The following ANP32A variants were observed in gnomAD, a reference collection of about 807,000 sequenced individuals.
ANP32A encodes the protein acidic nuclear phosphoprotein 32 family member A.
Under a neutral mutation model 33.9 loss-of-function variants are expected in ANP32A, and 1 was observed. The ratio of observed to expected loss-of-function variants is 0.03; its 90% CI spans 0.01 to 0.14. The LOEUF is 0.14. Among genes scored for constraint, ANP32A ranks in the 10% least tolerant of loss-of-function variants. ANP32A has a pLI of 1.00. For missense variants in ANP32A, 155 were observed against 306.0 expected (o/e 0.51, Z 3.68); for synonymous variants, 115 against 120.5 (o/e 0.95, Z 0.30).
Position 68,780,319 on chromosome 15 carries a change from C to T in ANP32A, c.688+91G>A. ...TGAGGCCTCTGACAGGAGTGTCCTG[C>T]CCACTGCCAGGGGCCTCTGAGTCTA... is the stretch of plus-strand genomic sequence containing the variant. On this transcript the variant is annotated intron_variant, in intron 6 of 6. Coordinates refer to ENST00000465139, the MANE Select transcript of ANP32A (RefSeq NM_006305.4). This position sits in a 1 kb window ranked among gnomAD's most constrained non-coding sequence, Gnocchi z 4.3. 1.3e-6 allele frequency: 2 copies of T among 1,599,826 alleles called. No homozygotes were observed. Among genetic ancestry groups the T allele is most frequent in the Non-Finnish European group, 1.7e-6 (2 of 1,173,132 alleles).
At chr15:68,808,903 C>T (rs1342353953) in intron 1 of ANP32A, among the ~76,000 whole-genome samples, 1 of 152,156 alleles carries the variant, frequency 6.6e-6, no homozygotes, top group Non-Finnish European at 1.5e-5. Flanking sequence ...CTCTGCGGGC[C>T]TCTCTCTTTC....
chr15:68,817,978 G>GC (rs959279592), intron 1 of ANP32A, among the ~76,000 whole-genome samples: 1 of 152,148 alleles, frequency 6.6e-6, no homozygotes, highest in Non-Finnish European at 1.5e-5. Context: ...GGCGGCTCCT[G>GC]CCCCCCAGTA....
intron 3 of ANP32A, 63 bp downstream of exon 3, chr15:68,787,350 T>A: frequency 6.2e-7 from 1 of 1,607,174 alleles, no homozygotes; most frequent in South Asian, 1.1e-5. Context: ...AAAGTAGTAT[T>A]TGCTGATGCC....
chr15:68,819,530 G>C (rs903386326), intron 1 of ANP32A, among the ~76,000 whole-genome samples: 10 of 152,244 alleles, frequency 6.6e-5, no homozygotes, highest in Non-Finnish European at 1.2e-4. Flanking sequence ...TGTTTGCCAT[G>C]CCCGCATAAA....
intron 1 of ANP32A, among the ~76,000 whole-genome samples, chr15:68,818,499 GC>G (rs1380942385): frequency 6.7e-6 from 1 of 149,242 alleles, no homozygotes; most frequent in African/African-American, 2.5e-5. Context: ...CCCCTCCTCC[GC>G]CACCCGCGCC....
intron 1 of ANP32A, among the ~76,000 whole-genome samples, chr15:68,819,849 CCTT>C (rs1380607461): frequency 6.6e-6 from 1 of 152,204 alleles, no homozygotes; most frequent in Non-Finnish European, 1.5e-5. Flanking sequence ...CCCTCCCCCT[CCTT>C]CTAATTTATC....
chr15:68,806,760 C>G (rs2140370685), intron 1 of ANP32A, among the ~76,000 whole-genome samples: 2 of 152,366 alleles, frequency 1.3e-5, no homozygotes, highest in Non-Finnish European at 2.9e-5. Flanking sequence ...AGGGTACACC[C>G]AAATCTTCAT....
At chr15:68,802,818 A>ATTTTTTTTTTTTTTTTTTTTTTT (rs1894155868) in intron 1 of ANP32A, among the ~76,000 whole-genome samples, 1 of 152,006 alleles carries the variant, frequency 6.6e-6, no homozygotes, top group African/African-American at 2.4e-5. Context: ...ATGCCCGGCT[A>ATTTTTTTTTTTTTTTTTTTTTTT]ATTTTTTATA....
chr15:68,793,766 A>G (rs775978713), intron 1 of ANP32A, among the ~76,000 whole-genome samples: 95 of 152,304 alleles, frequency 6.2e-4, no homozygotes, highest in Non-Finnish European at 9.7e-4. Context: ...AAAAACACGG[A>G]GCCCCTTGCT....
At position 68,780,701 on chromosome 15, in the gene ANP32A, C is replaced by T. The variant is rs141050365; in HGVS notation, c.625-228G>A. The T allele has an allele frequency of 5.3e-4, 321 of 605,244 alleles. 2 individuals carry two copies. The East Asian group carries it at 9.1e-3, about 17-fold the overall frequency. 37.5% of individuals were successfully genotyped at this position (605,244 alleles called of 1,614,324 possible). A position where few individuals can be genotyped will look rare whatever the true frequency, so the allele number is the denominator to read the frequency against. ...TTGAACTCCTTCTCCAGAAAATGTCCGTATCATTTATAATATTTGCAAGCA... is the reference window on the plus strand; with the variant it reads ...TTGAACTCCTTCTCCAGAAAATGTCTGTATCATTTATAATATTTGCAAGCA... On this transcript the variant is annotated intron_variant, in intron 5 of 6. Coordinates refer to ENST00000465139, the MANE Select transcript of ANP32A (RefSeq NM_006305.4). The surrounding 1 kb of genome is among the most constrained non-coding windows in gnomAD (Gnocchi z 4.3).
intron 1 of ANP32A, among the ~76,000 whole-genome samples, chr15:68,818,739 G>A (rs1039347047): frequency 6.6e-6 from 1 of 151,384 alleles, no homozygotes; most frequent in Non-Finnish European, 1.5e-5. Flanking sequence ...GCACCCACCC[G>A]CGGCGACCCC....
chr15:68,815,152 A>C (rs1248204035), intron 1 of ANP32A, among the ~76,000 whole-genome samples: 1 of 152,220 alleles, frequency 6.6e-6, no homozygotes, highest in African/African-American at 2.4e-5. Flanking sequence ...AAAAGGACTT[A>C]AAAAGACCCT....
chr15:68,798,541 AC>A (rs1439096594), intron 1 of ANP32A, among the ~76,000 whole-genome samples: 1 of 152,152 alleles, frequency 6.6e-6, no homozygotes, highest in Non-Finnish European at 1.5e-5. Context: ...TCTGTGACTC[AC>A]CCAAGGCTAC....
At chr15:68,781,696 C>CA (rs1338105534) in intron 5 of ANP32A, 7 of 152,074 alleles carry the variant, frequency 4.6e-5, no homozygotes. Flanking sequence ...CTCTGCCTCC[C>CA]AGGTTCAAGC....
intron 1 of ANP32A, among the ~76,000 whole-genome samples, chr15:68,818,599 C>A (rs1418440892): frequency 6.6e-6 from 1 of 151,046 alleles, no homozygotes; most frequent in African/African-American, 2.5e-5. Flanking sequence ...CCCAGTACGG[C>A]GCGGTGCGCT....
At chr15:68,790,668 C>G (rs1409025224) in intron 1 of ANP32A, 3 of 152,194 alleles carry the variant, frequency 2.0e-5, no homozygotes, top group East Asian at 3.9e-4. Context: ...TTTAAAGGCA[C>G]GTCCGAACTG....
intron 1 of ANP32A, among the ~76,000 whole-genome samples, chr15:68,788,800 T>C (rs1893964905): frequency 6.6e-6 from 1 of 152,164 alleles, no homozygotes; most frequent in Non-Finnish European, 1.5e-5. Flanking sequence ...AGTCTGTGCT[T>C]GGAGGCACCT....
At chr15:68,807,428 G>GT (rs371519098) in intron 1 of ANP32A, among the ~76,000 whole-genome samples, 1 of 17,688 alleles carries the variant, frequency 5.7e-5, no homozygotes, top group African/African-American at 6.5e-5. Flanking sequence ...CACAGAAAAC[G>GT]GGGGGGGGGG....
At chr15:68,805,161 A>AC (rs1358815082) in intron 1 of ANP32A, among the ~76,000 whole-genome samples, 2 of 151,992 alleles carry the variant, frequency 1.3e-5, no homozygotes, top group South Asian at 4.2e-4. Context: ...AAAGCATCTA[A>AC]CCCCCTAAAC....
Sources: gnomAD v4.1 joint callset for allele counts (sites outside exome capture counted in the v4.1 genomes callset) on GRCh38, gnomAD v4.1.1 for gene constraint, Gnocchi (gnomAD v3.1) non-coding constraint, MANE v1.5 for transcripts, NCBI Gene and HGNC (gene_info 2026-07-23, HGNC 2026-07-21) for gene names.